Variants in PRKCA observed in about 807,000 individuals in gnomAD.
PRKCA encodes protein kinase C alpha, also known as protein kinase C alpha type.
In PRKCA, 27 loss-of-function variants were observed where a neutral mutation model predicts 87.0. The ratio of observed to expected loss-of-function variants is 0.31; its 90% confidence interval spans 0.23 to 0.43. The LOEUF is 0.43. Among genes scored for constraint, PRKCA ranks in the 20% least tolerant of loss-of-function variants. The probability of loss-of-function intolerance (pLI) is 1.00; values close to 1 mark genes in which losing one functional copy is unlikely to be tolerated. For missense variants in PRKCA, 518 were observed against 852.3 expected (o/e 0.61, Z 4.88); for synonymous variants, 329 against 311.1 (o/e 1.06, Z -0.61).
chr17:66,376,196 C>G (rs1247965792), intron 2 of PRKCA, among the ~76,000 whole-genome samples: 1 of 152,146 alleles, frequency 6.6e-6, no homozygotes. Context: ...TAACCACCCT[C>G]CCCTGACTGA....
At chr17:66,579,437 A>G (rs963784180) in intron 3 of PRKCA, among the ~76,000 whole-genome samples, 2 of 152,218 alleles carry the variant, frequency 1.3e-5, no homozygotes, top group Admixed American at 1.3e-4. Flanking sequence ...GGTAGGGGTC[A>G]GAGGTCACGC....
intron 16 of PRKCA, chr17:66,796,334 T>C (rs764306425): frequency 4.8e-6 from 3 of 623,798 alleles, no homozygotes; most frequent in Middle Eastern, 7.6e-4. Flanking sequence ...TGTTTCCGCA[T>C]CAGCTCACGT....
chr17:66,767,013 T>C (rs1435474371), intron 13 of PRKCA, among the ~76,000 whole-genome samples: 2 of 152,162 alleles, frequency 1.3e-5, no homozygotes, highest in Non-Finnish European at 2.9e-5. Flanking sequence ...CTTTGATTAA[T>C]ATTTCATTAA....
intron 3 of PRKCA, chr17:66,639,355 TC>T (rs1228140223): frequency 6.6e-6 from 1 of 152,188 alleles, no homozygotes; most frequent in Non-Finnish European, 1.5e-5. Flanking sequence ...GACAAATAGA[TC>T]ATCTAAGTAG....
intron 15 of PRKCA, 50 bp from the exon 16 acceptor site, chr17:66,788,789 T>C (rs760384113): frequency 6.3e-7 from 1 of 1,593,132 alleles, no homozygotes; most frequent in Non-Finnish European, 8.5e-7. Context: ...GTGCTGTCTG[T>C]GGGAAGCCCT....
chr17:66,634,905 A>G (rs1010929092), intron 3 of PRKCA, among the ~76,000 whole-genome samples: 2 of 152,166 alleles, frequency 1.3e-5, no homozygotes, highest in African/African-American at 4.8e-5. Flanking sequence ...ATGATGAAAA[A>G]TTAAAGGGGA....
intron 13 of PRKCA, among the ~76,000 whole-genome samples, chr17:66,743,867 C>T (rs893493803): frequency 4.6e-5 from 7 of 152,198 alleles, no homozygotes; most frequent in African/African-American, 1.7e-4. Flanking sequence ...GCTCAGAAGT[C>T]AGACCCATGT....
chr17:66,531,362 C>T (rs1431004778), intron 3 of PRKCA, among the ~76,000 whole-genome samples: 1 of 152,200 alleles, frequency 6.6e-6, no homozygotes, highest in Non-Finnish European at 1.5e-5. Flanking sequence ...TCAAATGAAG[C>T]ATGGCAGCCT....
intron 2 of PRKCA, among the ~76,000 whole-genome samples, chr17:66,311,214 T>C (rs535609556): frequency 6.6e-6 from 1 of 152,286 alleles, no homozygotes; most frequent in South Asian, 2.1e-4. Flanking sequence ...ATTTGAAACC[T>C]AGAGTTTTTG....
chr17:66,578,295 G>C (rs918749800), intron 3 of PRKCA, among the ~76,000 whole-genome samples: 1 of 152,114 alleles, frequency 6.6e-6, no homozygotes, highest in Admixed American at 6.5e-5. Flanking sequence ...CCAGGCTTCC[G>C]CACATGGTCA....
intron 3 of PRKCA, 144 bp from the exon 4 acceptor site, chr17:66,641,211 T>G (rs950486348): frequency 3.7e-6 from 2 of 538,996 alleles, no homozygotes; most frequent in Non-Finnish European, 6.8e-6. Context: ...CACCACCCAT[T>G]GTGTGACTCC....
intron 8 of PRKCA, among the ~76,000 whole-genome samples, chr17:66,721,874 G>T (rs1973624402): frequency 6.6e-6 from 1 of 152,028 alleles, no homozygotes; most frequent in Non-Finnish European, 1.5e-5. Flanking sequence ...AGCCCAACAG[G>T]TCTCAGCCTC....
rs527286634 is a variant in PRKCA at position 66,682,896 on chromosome 17, A to C, written c.530-4215A>C. Reference sequence around the variant, plus strand: ...TAACTCGGAATTGGCATTCCCTCCAACTGTGCTTCCCAAATGTGGGATGGG... The same window carrying C: ...TAACTCGGAATTGGCATTCCCTCCACCTGTGCTTCCCAAATGTGGGATGGG... On this transcript the variant is annotated intron_variant, in intron 5 of 16. Coordinates refer to ENST00000413366, the MANE Select transcript of PRKCA (RefSeq NM_002737.3). Among the ~76,000 whole-genome samples, 4 of 152,314 alleles carry C rather than the reference A, an allele frequency of 2.6e-5. No homozygotes were observed. The East Asian group carries it at 7.7e-4, about 29-fold the overall frequency.
chr17:66,485,432 G>T (rs368365645), intron 2 of PRKCA, among the ~76,000 whole-genome samples: 3 of 152,312 alleles, frequency 2.0e-5, no homozygotes, highest in African/African-American at 7.2e-5. Context: ...CGTGCTGAGT[G>T]CTTATGCCCT....
chr17:66,382,919 T>G (rs1220790123), intron 2 of PRKCA, among the ~76,000 whole-genome samples: 1 of 128,412 alleles, frequency 7.8e-6, no homozygotes, highest in Non-Finnish European at 1.7e-5. Flanking sequence ...TCTGCAAGAA[T>G]CCACCCCTAA....
chr17:66,566,479 G>GTTTTTTTTTTTTTTTTTT (rs368602635), intron 3 of PRKCA, among the ~76,000 whole-genome samples: 4 of 74,704 alleles, frequency 5.4e-5, no homozygotes, highest in South Asian at 5.5e-4. Context: ...GTTGTTTTTT[G>GTTTTTTTTTTTTTTTTTT]GTTTTTTTTT....
chr17:66,484,236 G>T (rs551531170), intron 2 of PRKCA, among the ~76,000 whole-genome samples: 1 of 152,166 alleles, frequency 6.6e-6, no homozygotes, highest in Non-Finnish European at 1.5e-5. Flanking sequence ...CCCACAACAC[G>T]TGGGAATTAT....
chr17:66,356,575 G>A (rs1194551581), intron 2 of PRKCA, among the ~76,000 whole-genome samples: 1 of 152,160 alleles, frequency 6.6e-6, no homozygotes, highest in Non-Finnish European at 1.5e-5. Context: ...AGTGAGCTGA[G>A]ATCGTGCCAC....
chr17:66,766,131 T>C (rs1974807441), intron 13 of PRKCA, among the ~76,000 whole-genome samples: 1 of 152,218 alleles, frequency 6.6e-6, no homozygotes, highest in Non-Finnish European at 1.5e-5. Context: ...GGATGAGTGC[T>C]GTCACGAGAA....
Sources: gnomAD v4.1 joint callset for allele counts (sites outside exome capture counted in the v4.1 genomes callset) on GRCh38, gnomAD v4.1.1 for gene constraint, MANE v1.5 for transcripts, NCBI Gene and HGNC (gene_info 2026-07-23, HGNC 2026-07-21) for gene names.